The following PIGK variants were observed in gnomAD, a reference collection of about 807,000 sequenced individuals.
PIGK encodes phosphatidylinositol glycan anchor biosynthesis class K, also known as GPI-anchor transamidase.
In PIGK, 42 loss-of-function variants were observed where a neutral mutation model predicts 50.6. The observed-to-expected ratio is 0.83, with a 90% CI of 0.65 to 1.07. The LOEUF (loss-of-function observed/expected upper bound fraction) is 1.07. Among genes scored for constraint, PIGK ranks in the 50% least tolerant of loss-of-function variants. PIGK has a pLI of 0.00. For missense variants in PIGK, 448 were observed against 488.7 expected (o/e 0.92, Z 0.78); for synonymous variants, 151 against 156.0 (o/e 0.97, Z 0.24).
intron 10 of PIGK, among the ~76,000 whole-genome samples, chr1:77,104,596 G>T (rs1653622345): frequency 6.6e-6 from 1 of 152,128 alleles, no homozygotes; most frequent in East Asian, 1.9e-4. Flanking sequence ...TATCAAGCAG[G>T]ATAATATTTG....
intron 3 of PIGK, among the ~76,000 whole-genome samples, chr1:77,169,615 G>C (rs182164382): frequency 4.0e-5 from 6 of 151,202 alleles, no homozygotes; most frequent in Non-Finnish European, 4.4e-5. Context: ...AGTTATGAAG[G>C]CACTTTAATT....
chr1:77,187,649 G>A (rs1275929962), intron 3 of PIGK, among the ~76,000 whole-genome samples: 1 of 152,174 alleles, frequency 6.6e-6, no homozygotes, highest in East Asian at 1.9e-4. Flanking sequence ...ATGGAATACA[G>A]AAGATCCATT....
At chr1:77,162,156 T>C (rs984999156) in intron 6 of PIGK, among the ~76,000 whole-genome samples, 2 of 152,142 alleles carry the variant, frequency 1.3e-5, no homozygotes, top group African/African-American at 4.8e-5. Context: ...AAATATATAT[T>C]GAGTGCCTAC....
At chr1:77,136,635 T>C (rs1344312219) in intron 9 of PIGK, among the ~76,000 whole-genome samples, 2 of 152,168 alleles carry the variant, frequency 1.3e-5, no homozygotes, top group Non-Finnish European at 2.9e-5. Context: ...AAATCTCTTA[T>C]GTACTTAGGG....
chr1:77,199,904 T>C (rs942697756), intron 3 of PIGK, among the ~76,000 whole-genome samples: 31 of 152,254 alleles, frequency 2.0e-4, no homozygotes, highest in African/African-American at 7.0e-4. Context: ...ATTGGTATAA[T>C]TATGTGCACT....
intron 10 of PIGK, among the ~76,000 whole-genome samples, chr1:77,100,066 A>T (rs1461059664): frequency 6.6e-6 from 1 of 152,172 alleles, no homozygotes; most frequent in Non-Finnish European, 1.5e-5. Flanking sequence ...TGTTGCTAGG[A>T]GAACATTACC....
intron 9 of PIGK, among the ~76,000 whole-genome samples, chr1:77,145,007 G>A (rs1232619409): frequency 6.6e-6 from 1 of 151,824 alleles, no homozygotes; most frequent in African/African-American, 2.4e-5. Flanking sequence ...AAAAGTATAG[G>A]AGAAATCCTG....
chr1:77,171,144 T>C (rs1293671165), intron 3 of PIGK, among the ~76,000 whole-genome samples: 2 of 152,058 alleles, frequency 1.3e-5, no homozygotes, highest in African/African-American at 2.4e-5. Context: ...AATATAAAAA[T>C]GAATATTTCT....
intron 10 of PIGK, among the ~76,000 whole-genome samples, chr1:77,099,419 G>A (rs935730114): frequency 1.5e-4 from 23 of 152,010 alleles, no homozygotes; most frequent in African/African-American, 5.1e-4. Flanking sequence ...GGAGAAATTG[G>A]ATTATGCAGC....
chr1:77,176,965 G>A (rs1006090302), intron 3 of PIGK, among the ~76,000 whole-genome samples: 6 of 152,128 alleles, frequency 3.9e-5, no homozygotes, highest in Non-Finnish European at 7.4e-5. Context: ...ACCAATGTTT[G>A]GTTTGTCAAA....
At chr1:77,188,537 C>G (rs575787409) in intron 3 of PIGK, among the ~76,000 whole-genome samples, 1 of 152,126 alleles carries the variant, frequency 6.6e-6, no homozygotes, top group African/African-American at 2.4e-5. Flanking sequence ...AATTTCACCT[C>G]GGTCCTGTGG....
intron 2 of PIGK, among the ~76,000 whole-genome samples, chr1:77,207,411 G>A (rs780001044): frequency 3.3e-5 from 5 of 152,110 alleles, no homozygotes; most frequent in Non-Finnish European, 7.3e-5. Context: ...AAGAAAATTA[G>A]CTACATAGGG....
chr1:77,150,846 T>C (rs1368865130), intron 9 of PIGK, among the ~76,000 whole-genome samples: 6 of 152,100 alleles, frequency 3.9e-5, no homozygotes, highest in East Asian at 1.9e-4. Flanking sequence ...AAGATCAAAA[T>C]AGTAGTAAAA....
At position 77,090,947 on chromosome 1, in the gene PIGK, A is replaced by T. The variant is rs1467609921; in HGVS notation, c.*1427T>A. ...AATCCTTTGCCTTTTGAAAAGTATG[A>T]CAATCTTGCATGCAATTAAAAGGTA... On this transcript the variant is annotated 3_prime_UTR_variant, in exon 11 of 11. Transcript: ENST00000370812. 1 of 152,224 alleles carries T rather than the reference A, an allele frequency of 6.6e-6. No homozygotes were observed. Among genetic ancestry groups the T allele is most frequent in the Non-Finnish European group, 1.5e-5 (1 of 68,032 alleles). 9.4% of individuals were successfully genotyped at this position (152,224 alleles called of 1,614,324 possible). A position where few individuals can be genotyped will look rare whatever the true frequency, so the allele number is the denominator to read the frequency against.
intron 10 of PIGK, among the ~76,000 whole-genome samples, chr1:77,119,875 ATCTATCCATTTATCTATACG>A (rs1570196891): frequency 1.7e-5 from 1 of 59,746 alleles, no homozygotes; most frequent in Non-Finnish European, 2.7e-5. Context: ...AAAATACGTT[ATCTATCCATTTATCTATACG>A]TTATCTATCC....
intron 9 of PIGK, among the ~76,000 whole-genome samples, chr1:77,135,179 T>G (rs561971332): frequency 1.3e-5 from 2 of 152,256 alleles, no homozygotes; most frequent in East Asian, 1.9e-4. Context: ...TTTTATTGGT[T>G]TCTGATAATG....
At chr1:77,122,126 A>G in intron 10 of PIGK, 149 bp downstream of exon 10, 1 of 458,918 alleles carries the variant, frequency 2.2e-6, no homozygotes, top group Non-Finnish European at 3.9e-6. Context: ...TGGGACTTTC[A>G]ACTGTAATAG....
intron 3 of PIGK, among the ~76,000 whole-genome samples, chr1:77,201,091 A>C (rs1187328149): frequency 6.6e-6 from 1 of 152,216 alleles, no homozygotes; most frequent in Non-Finnish European, 1.5e-5. Flanking sequence ...CCTCTTACGT[A>C]TAAGGCCAAA....
At chr1:77,206,591 G>T in intron 3 of PIGK, 49 bp downstream of exon 3, 1 of 936,424 alleles carries the variant, frequency 1.1e-6, no homozygotes. Context: ...AATTATCTAA[G>T]GGTTATTTTC....
Sources: gnomAD v4.1 joint callset for allele counts (sites outside exome capture counted in the v4.1 genomes callset) on GRCh38, gnomAD v4.1.1 for gene constraint, MANE v1.5 for transcripts, NCBI Gene and HGNC (gene_info 2026-07-23, HGNC 2026-07-21) for gene names.